The following CLASP1 variants were observed in gnomAD, a reference collection of about 807,000 sequenced individuals.
CLASP1 encodes CLIP-associating protein 1.
A neutral mutation model predicts 192.3 loss-of-function variants in CLASP1; 38 were observed. The observed-to-expected ratio is 0.20, with a 90% confidence interval of 0.15 to 0.26. The LOEUF (loss-of-function observed/expected upper bound fraction) is 0.26. CLASP1 is among the 10% of genes least tolerant of loss of function. The pLI, the probability that CLASP1 is intolerant of heterozygous loss-of-function variation, is 1.00. For synonymous variants in CLASP1, 691 were observed against 712.8 expected (o/e 0.97, Z 0.49); for missense variants, 1,433 against 1,932.5 (o/e 0.74, Z 4.85).
chr2:121,527,950 A>G, intron 4 of CLASP1, 60 bp from the exon 5 acceptor site: 1 of 1,359,356 alleles, frequency 7.4e-7, no homozygotes, highest in Non-Finnish European at 1.0e-6. Flanking sequence ...ACACTTTATA[A>G]GGGAGCAATA....
At chr2:121,492,375 C>A (rs1311873199) in intron 8 of CLASP1, among the ~76,000 whole-genome samples, 3 of 114,826 alleles carry the variant, frequency 2.6e-5, no homozygotes, top group African/African-American at 1.1e-4. Context: ...GGCGACAGAG[C>A]GAGACTCCCT....
At position 121,604,827 on chromosome 2, in the gene CLASP1, G is replaced by GA. The variant is rs539343649; in HGVS notation, c.195+873dup. Among the ~76,000 whole-genome samples, 26 of 152,252 alleles carry GA rather than the reference G, an allele frequency of 1.7e-4. No individual in the cohort carries two copies. The South Asian group carries it at 4.6e-3, about 27-fold the overall frequency. ...ACCAATCTCAAAAGATTGAGTCAAT[G>GA]AAAAAAGCACAAAAGATTCTATGTC... On this transcript the variant is annotated intron_variant, in intron 2 of 39. Transcript: ENST00000263710.
At chr2:121,536,604 T>C (rs1431373441) in intron 2 of CLASP1, among the ~76,000 whole-genome samples, 1 of 151,758 alleles carries the variant, frequency 6.6e-6, no homozygotes, top group Non-Finnish European at 1.5e-5. Flanking sequence ...GGTCTACCCA[T>C]ACAATGGAAC....
rs767348636 is a variant in CLASP1 at position 121,384,157 on chromosome 2, C to CAT, written c.3375-1835_3375-1834dup. 2.0e-3 allele frequency among the ~76,000 whole-genome samples: 252 copies of CAT among 129,170 alleles called. 3 individuals carry two copies. The highest frequency in any genetic ancestry group is 6.7e-3 in the African/African-American group (211 of 31,300). 84.7% of individuals were successfully genotyped at this position (129,170 alleles called of 152,430 possible). A position where few individuals can be genotyped will look rare whatever the true frequency, so the allele number is the denominator to read the frequency against. ...ATGTATATATATATACACACACACACATATATATATATACACACACACACA... is the reference window on the plus strand; with the variant it reads ...ATGTATATATATATACACACACACACATATATATATATATACACACACACACA... On this transcript the variant is annotated intron_variant, in intron 32 of 39. Coordinates refer to ENST00000263710, the Ensembl canonical transcript of CLASP1.
intron 2 of CLASP1, among the ~76,000 whole-genome samples, chr2:121,581,905 A>C (rs996572266): frequency 6.6e-6 from 1 of 152,066 alleles, no homozygotes; most frequent in Non-Finnish European, 1.5e-5. Context: ...AGAAAAGTCC[A>C]GGCACAGTGG....
chr2:121,360,958 T>C (rs1010126595), intron 37 of CLASP1, among the ~76,000 whole-genome samples: 3 of 151,998 alleles, frequency 2.0e-5, no homozygotes, highest in African/African-American at 7.3e-5. Context: ...AAATTTCTAA[T>C]TTTGCAGAAA....
intron 8 of CLASP1, among the ~76,000 whole-genome samples, chr2:121,490,481 G>T (rs2093243487): frequency 6.6e-6 from 1 of 152,136 alleles, no homozygotes; most frequent in African/African-American, 2.4e-5. Flanking sequence ...TTGGGGGTTG[G>T]TGGCTGGGGG....
At chr2:121,555,229 A>G (rs2058435969) in intron 2 of CLASP1, among the ~76,000 whole-genome samples, 1 of 152,192 alleles carries the variant, frequency 6.6e-6, no homozygotes, top group Non-Finnish European at 1.5e-5. Context: ...CGTCTGCAGC[A>G]CTGTGTGTTC....
chr2:121,605,254 C>A (rs116123492), intron 2 of CLASP1, among the ~76,000 whole-genome samples: 5 of 152,034 alleles, frequency 3.3e-5, no homozygotes, highest in Non-Finnish European at 7.4e-5. Context: ...GGTACCTGGG[C>A]CAGCTTCACA....
intron 30 of CLASP1, 59 bp from the exon 32 acceptor site, chr2:121,387,965 T>A (rs2073618759): frequency 7.9e-7 from 1 of 1,265,808 alleles, no homozygotes; most frequent in South Asian, 1.5e-5. Flanking sequence ...AAAATGTTGA[T>A]TAAAGTTGTT....
intron 10 of CLASP1, 52 bp downstream of exon 10, chr2:121,462,480 T>TG (rs1559298411): frequency 1.2e-5 from 12 of 1,022,006 alleles, no homozygotes; most frequent in Non-Finnish European, 1.8e-5. Flanking sequence ...AAATAAAACT[T>TG]GAAGAGTAAG....
intron 1 of CLASP1, among the ~76,000 whole-genome samples, chr2:121,614,625 T>C (rs548271989): frequency 7.2e-5 from 11 of 152,368 alleles, no homozygotes; most frequent in Non-Finnish European, 1.6e-4. Flanking sequence ...TGGGTATTTG[T>C]AGAATGAATA....
chr2:121,583,775 G>A (rs2061447331), intron 2 of CLASP1, among the ~76,000 whole-genome samples: 1 of 152,108 alleles, frequency 6.6e-6, no homozygotes, highest in Admixed American at 6.5e-5. Context: ...TGTTGAAACT[G>A]CAACTTAGTG....
chr2:121,630,241 T>TA (rs2069247330), intron 1 of CLASP1, among the ~76,000 whole-genome samples: 1 of 152,156 alleles, frequency 6.6e-6, no homozygotes, highest in Non-Finnish European at 1.5e-5. Flanking sequence ...TCTTTCTAGT[T>TA]AAATCATACT....
At chr2:121,467,378 T>C (rs1461169782) in intron 9 of CLASP1, among the ~76,000 whole-genome samples, 2 of 152,192 alleles carry the variant, frequency 1.3e-5, no homozygotes, top group African/African-American at 4.8e-5. Context: ...CTTTGGGGAA[T>C]TGCCACACTG....
At chr2:121,372,518 A>G (rs1214866929) in intron 34 of CLASP1, among the ~76,000 whole-genome samples, 5 of 152,228 alleles carry the variant, frequency 3.3e-5, no homozygotes, top group African/African-American at 1.2e-4. Flanking sequence ...TGGATATTCC[A>G]TAATTCCTGC....
chr2:121,485,460 A>C (rs2092907411), intron 8 of CLASP1, among the ~76,000 whole-genome samples: 1 of 152,208 alleles, frequency 6.6e-6, no homozygotes, highest in African/African-American at 2.4e-5. Context: ...CACCATTTTC[A>C]TTTCTGTATA....
chr2:121,525,704 C>T (rs1390003705), intron 6 of CLASP1, 141 bp downstream of exon 6: 30 of 617,886 alleles, frequency 4.9e-5, no homozygotes, highest in Non-Finnish European at 8.4e-5. Context: ...TTTATAAATG[C>T]TAATGGGTAC....
At chr2:121,531,163 G>C (rs1022667392) in intron 2 of CLASP1, among the ~76,000 whole-genome samples, 1 of 152,062 alleles carries the variant, frequency 6.6e-6, no homozygotes, top group African/African-American at 2.4e-5. Flanking sequence ...AAACGGGAAG[G>C]ATTTCAACAG....
Sources: gnomAD v4.1 joint callset for allele counts (sites outside exome capture counted in the v4.1 genomes callset) on GRCh38, gnomAD v4.1.1 for gene constraint, MANE v1.5 for transcripts, NCBI Gene and HGNC (gene_info 2026-07-23, HGNC 2026-07-21) for gene names.